The following RMDN2 variants were observed in gnomAD, a reference collection of about 807,000 sequenced individuals.
RMDN2 encodes the protein regulator of microtubule dynamics protein 2.
In RMDN2, 61 loss-of-function variants were observed where a neutral mutation model predicts 52.8. That is an observed-to-expected ratio of 1.16 (90% CI 0.94 to 1.43). RMDN2 has a LOEUF of 1.43. RMDN2 is among the 40% of genes most tolerant of loss of function. RMDN2 has a pLI of 0.00. For missense variants in RMDN2, 592 were observed against 475.3 expected, an observed-to-expected ratio of 1.25 and a Z score of -2.28; for synonymous variants, 180 against 153.1, an observed-to-expected ratio of 1.18 and a Z score of -1.30.
upstream of RMDN2, among the ~76,000 whole-genome samples, chr2:37,922,538 G>C (rs1391023460): frequency 1.3e-5 from 2 of 152,134 alleles, no homozygotes; most frequent in African/African-American, 4.8e-5. Context: ...CTAATATAGA[G>C]GGTGTGCACC....
intron 10 of RMDN2, among the ~76,000 whole-genome samples, chr2:38,025,598 C>T (rs1477461660): frequency 1.3e-5 from 2 of 151,940 alleles, no homozygotes; most frequent in Admixed American, 6.6e-5. Context: ...ACAATGTTAC[C>T]TGTAGGTTTT....
rs116148748 is a variant in RMDN2 at position 38,014,741 on chromosome 2, A to G, written c.1180-2445A>G. ...TGTGTTTGGGTGAAAGAGAGAGATT[A>G]TCTTTATTCAGTTATTTTACAATTA... is the stretch of plus-strand genomic sequence containing the variant. On this transcript the variant is annotated intron_variant, in intron 10 of 10. Coordinates refer to ENST00000354545, the MANE Select transcript of RMDN2 (RefSeq NM_001170791.3). 4.2e-3 allele frequency among the ~76,000 whole-genome samples: 643 copies of G among 152,360 alleles called. 3 individuals are homozygous for G. Among genetic ancestry groups the G allele is most frequent in the South Asian group, 7.5e-3 (36 of 4,828 alleles).
chr2:37,984,796 C>T (rs1673780974), intron 5 of RMDN2, among the ~76,000 whole-genome samples: 1 of 151,380 alleles, frequency 6.6e-6, no homozygotes, highest in Non-Finnish European at 1.5e-5. Flanking sequence ...GGTAATATAC[C>T]ATGTTGTGAA....
chr2:37,949,508 T>A (rs1337883353), intron 2 of RMDN2, among the ~76,000 whole-genome samples: 1 of 152,194 alleles, frequency 6.6e-6, no homozygotes. Flanking sequence ...GTAACATAAG[T>A]CTTCTGTCTC....
intron 2 of RMDN2, among the ~76,000 whole-genome samples, chr2:37,968,164 A>G (rs1671316862): frequency 6.6e-6 from 1 of 152,098 alleles, no homozygotes; most frequent in African/African-American, 2.4e-5. Context: ...GTCAAGGCCA[A>G]GCATGGTGGC....
intron 10 of RMDN2, among the ~76,000 whole-genome samples, chr2:38,043,057 T>C (rs1681063389): frequency 6.6e-6 from 1 of 152,192 alleles, no homozygotes. Flanking sequence ...ACTGATTTTC[T>C]GATTGTTTTA....
At chr2:37,972,029 T>C (rs114768370) in intron 2 of RMDN2, among the ~76,000 whole-genome samples, 2,182 of 152,280 alleles carry the variant, frequency 0.014, 23 homozygotes, top group Middle Eastern at 0.038. Flanking sequence ...CATCTTTTAA[T>C]ATGCTTTTAT....
chr2:38,011,226 G>T (rs1466168302), intron 10 of RMDN2, among the ~76,000 whole-genome samples: 1 of 152,126 alleles, frequency 6.6e-6, no homozygotes, highest in Non-Finnish European at 1.5e-5. Flanking sequence ...ACATGTTCTT[G>T]GTTTTTGGAC....
At chr2:38,046,002 A>G (rs1681251731) in intron 10 of RMDN2, among the ~76,000 whole-genome samples, 1 of 152,176 alleles carries the variant, frequency 6.6e-6, no homozygotes, top group African/African-American at 2.4e-5. Flanking sequence ...TATCAGGATG[A>G]CTCAGGGAAT....
intron 10 of RMDN2, chr2:38,036,864 A>C (rs1445204944): frequency 6.6e-6 from 1 of 152,280 alleles, no homozygotes; most frequent in African/African-American, 2.4e-5. Flanking sequence ...TGGGAAAGTA[A>C]CTAGGCAAAA....
At chr2:38,003,221 G>T (rs1676548708) in intron 8 of RMDN2, among the ~76,000 whole-genome samples, 1 of 152,116 alleles carries the variant, frequency 6.6e-6, no homozygotes, top group Non-Finnish European at 1.5e-5. Context: ...GAAGATGCTT[G>T]CCATGGGGTA....
At chr2:37,951,799 C>G (rs765502790) in intron 2 of RMDN2, 5 of 1,613,462 alleles carry the variant, frequency 3.1e-6, no homozygotes, top group Non-Finnish European at 3.4e-6. Context: ...ACAAACACTA[C>G]TTCTCCAGCC....
chr2:37,959,693 T>C (rs1340313749), intron 2 of RMDN2, among the ~76,000 whole-genome samples: 2 of 150,952 alleles, frequency 1.3e-5, no homozygotes, highest in African/African-American at 2.5e-5. Context: ...TTCTGCTAGG[T>C]TGTGAATTTG....
chr2:37,932,765 G>A (rs1226270935), intron 2 of RMDN2, among the ~76,000 whole-genome samples: 84 of 134,300 alleles, frequency 6.3e-4, no homozygotes, highest in Middle Eastern at 3.7e-3. Flanking sequence ...AGGGGCGGCC[G>A]GGCAGAGGCG....
intron 8 of RMDN2, among the ~76,000 whole-genome samples, chr2:38,003,447 G>A (rs1327435578): frequency 6.6e-6 from 1 of 152,130 alleles, no homozygotes; most frequent in Non-Finnish European, 1.5e-5. Context: ...CAGCTACTCT[G>A]GAGGCCAAGG....
intron 4 of RMDN2, among the ~76,000 whole-genome samples, chr2:37,977,614 C>T (rs376891159): frequency 9.3e-5 from 14 of 150,766 alleles, no homozygotes; most frequent in African/African-American, 2.9e-4. Context: ...ACCGGGCGGC[C>T]GCTCAGAGAC....
chr2:38,005,383 T>A (rs559114928), intron 10 of RMDN2, among the ~76,000 whole-genome samples: 1 of 152,334 alleles, frequency 6.6e-6, no homozygotes, highest in Non-Finnish European at 1.5e-5. Flanking sequence ...GACTTTTTAA[T>A]GATTGCCATT....
intron 2 of RMDN2, among the ~76,000 whole-genome samples, chr2:37,964,756 G>T (rs1296061690): frequency 2.0e-5 from 3 of 152,082 alleles, no homozygotes; most frequent in Admixed American, 6.6e-5. Context: ...CATCCGCCTG[G>T]TTGTTTTATC....
At chr2:38,000,144 T>C (rs912173256) in intron 8 of RMDN2, among the ~76,000 whole-genome samples, 3 of 152,184 alleles carry the variant, frequency 2.0e-5, no homozygotes, top group Non-Finnish European at 2.9e-5. Flanking sequence ...TAGACACCTG[T>C]AGGAGTCATC....
Sources: gnomAD v4.1 joint callset for allele counts (sites outside exome capture counted in the v4.1 genomes callset) on GRCh38, gnomAD v4.1.1 for gene constraint, MANE v1.5 for transcripts, NCBI Gene and HGNC (gene_info 2026-07-23, HGNC 2026-07-21) for gene names.